TMEM117: variants seen among roughly 807,000 people sequenced by gnomAD.
The protein encoded by TMEM117 is transmembrane protein 117.
In TMEM117, 27 loss-of-function variants were observed where a neutral mutation model predicts 52.4. That is an observed-to-expected ratio of 0.51 (90% CI 0.38 to 0.71). The LOEUF (loss-of-function observed/expected upper bound fraction) is 0.71, where lower values mean the gene tolerates loss of function less well. Ranked by LOEUF, TMEM117 falls within the 30% of genes least tolerant of loss-of-function variation. The pLI is 0.00. For missense variants in TMEM117, 556 were observed against 630.5 expected, an observed-to-expected ratio of 0.88 and a Z score of 1.26; for synonymous variants, 215 against 206.3, an observed-to-expected ratio of 1.04 and a Z score of -0.36.
rs188218425 is a variant in TMEM117, at chr12:44,132,669, T to A, written c.411-10856T>A. 1.2e-3 allele frequency among the ~76,000 whole-genome samples: 178 copies of A among 152,304 alleles called. 3 individuals are homozygous for A. The highest frequency in any genetic ancestry group is 0.011 in the Admixed American group (165 of 15,300). ...CTGCTTTCTAAAATTGCATTAAAAATTTCTCATGTTCTGTCATTTCTTCTC... is the reference window on the plus strand; with the variant it reads ...CTGCTTTCTAAAATTGCATTAAAAAATTCTCATGTTCTGTCATTTCTTCTC... On this transcript the variant is annotated intron_variant, in intron 3 of 7. Transcript: ENST00000266534.
intron 2 of TMEM117, among the ~76,000 whole-genome samples, chr12:43,901,660 A>T (rs1238578982): frequency 6.6e-6 from 1 of 152,228 alleles, no homozygotes; most frequent in African/African-American, 2.4e-5. Flanking sequence ...CAAGAAAATT[A>T]TAAAGTGAAA....
At chr12:44,219,416 C>T (rs1315855782) in intron 5 of TMEM117, among the ~76,000 whole-genome samples, 3 of 152,160 alleles carry the variant, frequency 2.0e-5, no homozygotes, top group Admixed American at 6.5e-5. Context: ...TCAGAACATT[C>T]TGTGTAGTTT....
chr12:44,056,026 C>T (rs1947049373), intron 3 of TMEM117, among the ~76,000 whole-genome samples: 3 of 152,102 alleles, frequency 2.0e-5, no homozygotes, highest in African/African-American at 7.2e-5. Context: ...AGTGGAATTA[C>T]AAGTATATAG....
At chr12:43,859,399 A>G (rs1943451135) in intron 2 of TMEM117, among the ~76,000 whole-genome samples, 1 of 152,212 alleles carries the variant, frequency 6.6e-6, no homozygotes, top group African/African-American at 2.4e-5. Flanking sequence ...AGGGTCTGGA[A>G]TTCCAGATTT....
chr12:44,169,929 C>G (rs1351473857), intron 4 of TMEM117, among the ~76,000 whole-genome samples: 1 of 152,120 alleles, frequency 6.6e-6, no homozygotes, highest in Non-Finnish European at 1.5e-5. Context: ...TTTGACCCAG[C>G]CATCCCATTA....
chr12:43,852,197 C>T (rs1023714618), intron 2 of TMEM117, among the ~76,000 whole-genome samples: 5 of 152,050 alleles, frequency 3.3e-5, no homozygotes, highest in East Asian at 1.9e-4. Flanking sequence ...TTTGGGAGGC[C>T]GAGTCGGGCG....
chr12:43,962,593 A>T (rs988355506), intron 3 of TMEM117, among the ~76,000 whole-genome samples: 11 of 152,206 alleles, frequency 7.2e-5, no homozygotes, highest in Non-Finnish European at 1.2e-4. Context: ...TAGCCTACAT[A>T]GTTTAATTCT....
intron 5 of TMEM117, among the ~76,000 whole-genome samples, chr12:44,236,187 T>TAGAG (rs200861994): frequency 2.8e-5 from 4 of 141,490 alleles, no homozygotes; most frequent in African/African-American, 8.3e-5. Context: ...TATATATATA[T>TAGAG]AGAGAGAGAG....
At chr12:44,095,569 T>C (rs1235443704) in intron 3 of TMEM117, among the ~76,000 whole-genome samples, 1 of 151,778 alleles carries the variant, frequency 6.6e-6, no homozygotes, top group African/African-American at 2.4e-5. Context: ...GAAGAAAAAA[T>C]GAAAGTAGGC....
intron 2 of TMEM117, among the ~76,000 whole-genome samples, chr12:43,929,718 A>G (rs1944841425): frequency 6.6e-6 from 1 of 152,190 alleles, no homozygotes; most frequent in Non-Finnish European, 1.5e-5. Flanking sequence ...CTAGAAATTT[A>G]TATAAATGGA....
At chr12:43,993,535 TGAGAG>T (rs1261755238) in intron 3 of TMEM117, among the ~76,000 whole-genome samples, 1 of 151,976 alleles carries the variant, frequency 6.6e-6, no homozygotes, top group Non-Finnish European at 1.5e-5. Context: ...GGTTTGGGAT[TGAGAG>T]GAGAGACTTG....
intron 3 of TMEM117, among the ~76,000 whole-genome samples, chr12:44,014,146 A>G (rs968802077): frequency 4.6e-5 from 7 of 152,136 alleles, no homozygotes; most frequent in African/African-American, 7.2e-5. Context: ...CACAGCACAA[A>G]AGCAATAGAG....
intron 4 of TMEM117, among the ~76,000 whole-genome samples, chr12:44,205,070 C>A (rs1228518455): frequency 3.9e-5 from 6 of 152,132 alleles, no homozygotes; most frequent in Non-Finnish European, 8.8e-5. Flanking sequence ...AACTAAAGAG[C>A]TTCTGCCCAG....
At chr12:43,878,636 T>C (rs1943844659) in intron 2 of TMEM117, among the ~76,000 whole-genome samples, 1 of 152,210 alleles carries the variant, frequency 6.6e-6, no homozygotes, top group Non-Finnish European at 1.5e-5. Flanking sequence ...GTGATTTTGA[T>C]TAAAATTTTG....
Position 44,299,600 on chromosome 12 carries a change from C to A in TMEM117, c.629C>A (p.Thr210Lys). 1.2e-6 allele frequency: 2 copies of A among 1,614,146 alleles called. No homozygotes were observed. The highest frequency in any genetic ancestry group is 1.7e-6 in the Non-Finnish European group (2 of 1,179,996). ...TACAGGACAGTTCTTTTTACTCTGA[C>A]GTCTGTGGTTGTACTTGTGATTACA... is the stretch of plus-strand genomic sequence containing the variant. ...TLFWTVLFTL[T>K]SVVVLVITTD... Residue 210 changes from threonine to lysine, a missense_variant, in exon 6 of 8, where the codon ACG becomes AAG. Physicochemically the swap from Thr to Lys is moderately conservative, Grantham distance 78 (BLOSUM62 -1). Around this residue, in one of 3 missense-constraint regions of TMEM117, gnomAD observed 328 missense variants for 371.4 expected, o/e 0.88. Transcript: ENST00000266534.
chr12:44,081,502 G>A (rs898433819), intron 3 of TMEM117, among the ~76,000 whole-genome samples: 3 of 152,066 alleles, frequency 2.0e-5, no homozygotes, highest in Non-Finnish European at 4.4e-5. Context: ...AGACAGAAGC[G>A]TCTGTGTTCT....
At chr12:43,998,529 CTATT>C (rs1946067971) in intron 3 of TMEM117, among the ~76,000 whole-genome samples, 1 of 152,076 alleles carries the variant, frequency 6.6e-6, no homozygotes, top group Non-Finnish European at 1.5e-5. Context: ...TTACTGTTTT[CTATT>C]TATTCATTTT....
chr12:43,916,642 G>A (rs1944608124), intron 2 of TMEM117, among the ~76,000 whole-genome samples: 1 of 152,098 alleles, frequency 6.6e-6, no homozygotes, highest in African/African-American at 2.4e-5. Context: ...TTTGAACATT[G>A]TCAGAAGGAG....
intron 4 of TMEM117, among the ~76,000 whole-genome samples, chr12:44,185,257 T>C (rs1017487100): frequency 6.6e-6 from 1 of 152,230 alleles, no homozygotes; most frequent in African/African-American, 2.4e-5. Context: ...CAAAGCATGA[T>C]TGCTGAAACA....
Sources: allele counts gnomAD v4.1 joint callset (sites outside exome capture counted in the v4.1 genomes callset), GRCh38; gene constraint gnomAD v4.1.1; regional missense constraint gnomAD v4.1.1; transcripts MANE v1.5; gene names NCBI Gene and HGNC (gene_info 2026-07-23, HGNC 2026-07-21).